Variants in PEAK1 observed in about 807,000 individuals in gnomAD.
PEAK1 encodes pseudopodium enriched atypical kinase 1, also known as inactive tyrosine-protein kinase PEAK1.
In PEAK1, 54 loss-of-function variants were observed where a neutral mutation model predicts 124.7. That is an observed-to-expected ratio of 0.43 (90% CI 0.35 to 0.54). The LOEUF (loss-of-function observed/expected upper bound fraction) is 0.54. Ranked by LOEUF, PEAK1 falls within the 20% of genes least tolerant of loss-of-function variation. The pLI, the probability that PEAK1 is intolerant of heterozygous loss-of-function variation, is 0.01. For missense variants in PEAK1, 2,046 were observed against 2,134.5 expected (o/e 0.96, Z 0.82); for synonymous variants, 719 against 760.0 (o/e 0.95, Z 0.89).
chr15:77,280,833 A>G (rs1207004544), intron 5 of PEAK1, among the ~76,000 whole-genome samples: 1 of 152,142 alleles, frequency 6.6e-6, no homozygotes. Flanking sequence ...CTTTGGAATA[A>G]TCAGGCTTCT....
At chr15:77,138,772 G>C (rs2053539406) in intron 8 of PEAK1, among the ~76,000 whole-genome samples, 1 of 150,668 alleles carries the variant, frequency 6.6e-6, no homozygotes, top group African/African-American at 2.4e-5. Context: ...TGACGTAGGA[G>C]AATCATTTGA....
intron 1 of PEAK1, chr15:77,404,397 G>A (rs1364524929): frequency 7.8e-5 from 69 of 889,914 alleles, no homozygotes; most frequent in Non-Finnish European, 9.1e-5. Flanking sequence ...AGTGAAATGT[G>A]CTTTAAGTGG....
rs1463128098 is a variant in PEAK1, at chr15:77,278,742, C to T, written c.-275+5141G>A. The T allele has an allele frequency of 3.9e-5, 19 of 486,428 alleles. 1 individual carries two copies. Among genetic ancestry groups the T allele is most frequent in the South Asian group, 2.0e-4 (13 of 64,666 alleles). The allele number at this position is 486,428 out of a possible 1,614,324, so 30.1% of individuals were successfully genotyped here. On this transcript the variant is annotated intron_variant, in intron 5 of 9. Transcript: ENST00000682557. Reference sequence around the variant, plus strand: ...GGTGCTGGAGATGCCAAGTGAAGCACGTGCATTTTTGATAACTGTGTACTT... The same window carrying T: ...GGTGCTGGAGATGCCAAGTGAAGCATGTGCATTTTTGATAACTGTGTACTT...
Position 77,108,420 on chromosome 15 carries a change from C to T in PEAK1, c.*5736G>A, listed in dbSNP as rs1054311563. On this transcript the variant is annotated 3_prime_UTR_variant, in exon 10 of 10. Coordinates refer to ENST00000682557, the MANE Select transcript of PEAK1 (RefSeq NM_001385026.1). The stretch of plus-strand genomic sequence containing the variant: ...GAATGAGGACTGTCATGATTCAAAT[C>T]ACCAAGTAGAATGAAATCTTGCTTC... 2.6e-5 allele frequency: 4 copies of T among 152,208 alleles called. No individual in the cohort carries two copies. 9.4% of individuals were successfully genotyped at this position (152,208 alleles called of 1,614,324 possible). A position where few individuals can be genotyped will look rare whatever the true frequency, so the allele number is the denominator to read the frequency against.
At chr15:77,122,901 T>C (rs573475279) in intron 9 of PEAK1, among the ~76,000 whole-genome samples, 1 of 152,224 alleles carries the variant, frequency 6.6e-6, no homozygotes, top group Non-Finnish European at 1.5e-5. Flanking sequence ...CTACCAATCA[T>C]AGTTGTTCCT....
In PEAK1 at chr15:77,158,518, T is replaced by C. The variant is rs932566778; in HGVS notation, c.3316A>G (p.Thr1106Ala). 2.5e-6 allele frequency: 4 copies of C among 1,614,098 alleles called. No homozygotes were observed. The South Asian group carries it at 3.3e-5, about 13-fold the overall frequency. ...TTGCACTTACCTAAGTTGCTGTATGTTGCACTACAAGGGTTCGGGTCCATA... is the reference window on the plus strand; with the variant it reads ...TTGCACTTACCTAAGTTGCTGTATGCTGCACTACAAGGGTTCGGGTCCATA... ...DPMDPNPCSA[T>A]YSNLGQSRAA... The change falls in exon 8 of 10, where the codon ACA (threonine) becomes GCA (alanine). Residue 1106 changes from threonine to alanine, a missense_variant. Thr to Ala is a moderately conservative substitution (Grantham distance 58). Coordinates refer to ENST00000682557, the MANE Select transcript of PEAK1 (RefSeq NM_001385026.1).
At chr15:77,376,802 CT>C (rs953807267) in intron 1 of PEAK1, among the ~76,000 whole-genome samples, 1 of 152,078 alleles carries the variant, frequency 6.6e-6, no homozygotes, top group Non-Finnish European at 1.5e-5. Flanking sequence ...TTTTTTAAGG[CT>C]TTTTTATGTA....
chr15:77,162,726 T>A (rs2055769378), intron 7 of PEAK1, among the ~76,000 whole-genome samples: 1 of 152,148 alleles, frequency 6.6e-6, no homozygotes, highest in South Asian at 2.1e-4. Context: ...TTCTGAATGC[T>A]TTGATTTTCT....
chr15:77,304,266 T>C (rs1229715833), intron 2 of PEAK1, among the ~76,000 whole-genome samples: 1 of 152,174 alleles, frequency 6.6e-6, no homozygotes, highest in Non-Finnish European at 1.5e-5. Flanking sequence ...TAGATCAAAT[T>C]GGAAAGAACT....
At chr15:77,262,919 C>T (rs1243890969) in intron 5 of PEAK1, among the ~76,000 whole-genome samples, 1 of 152,184 alleles carries the variant, frequency 6.6e-6, no homozygotes, top group Admixed American at 6.5e-5. Flanking sequence ...GGCCACAGTA[C>T]AATCAAACTA....
At chr15:77,183,824 A>C (rs916056793) in intron 6 of PEAK1, among the ~76,000 whole-genome samples, 5 of 152,122 alleles carry the variant, frequency 3.3e-5, no homozygotes, top group African/African-American at 1.2e-4. Context: ...CCAAATATAT[A>C]TGATTTTTGA....
intron 1 of PEAK1, chr15:77,403,644 G>T (rs2071559132): frequency 1.1e-6 from 1 of 884,802 alleles, no homozygotes; most frequent in South Asian, 5.2e-5. Context: ...ACATGAAGAT[G>T]AATAAAACAC....
intron 8 of PEAK1, among the ~76,000 whole-genome samples, chr15:77,150,523 T>G (rs977828726): frequency 6.6e-6 from 1 of 152,180 alleles, no homozygotes; most frequent in Non-Finnish European, 1.5e-5. Context: ...TATTTTATTT[T>G]TATTACACTT....
chr15:77,226,064 TATATATATATATATATATATATATTACA>T lies in PEAK1; in HGVS notation c.-115+26275_-115+26302del, dbSNP rs1567137671. 3.1e-4 allele frequency among the ~76,000 whole-genome samples: 42 copies of T among 133,772 alleles called. 1 individual carries two copies. Among genetic ancestry groups the T allele is most frequent in the Non-Finnish European group, 5.9e-4 (37 of 62,334 alleles). 87.8% of individuals were successfully genotyped at this position (133,772 alleles called of 152,430 possible). A position where few individuals can be genotyped will look rare whatever the true frequency, so the allele number is the denominator to read the frequency against. On this transcript the variant is annotated intron_variant, in intron 6 of 9. Transcript: ENST00000682557. ...AAAGGGATATATATATATATATATA[TATATATATATATATATATATATATTACA>T]CACACATACACACATATATATGTGT...
intron 2 of PEAK1, among the ~76,000 whole-genome samples, chr15:77,342,087 T>C (rs183923865): frequency 1.3e-5 from 2 of 151,276 alleles, no homozygotes; most frequent in East Asian, 3.9e-4. Context: ...AGCCCAGCAG[T>C]ATGCAGAACA....
At chr15:77,220,639 C>T (rs2059346172) in intron 6 of PEAK1, among the ~76,000 whole-genome samples, 1 of 149,068 alleles carries the variant, frequency 6.7e-6, no homozygotes, top group Non-Finnish European at 1.5e-5. Context: ...TAAAAGCAAA[C>T]AAAGTACATT....
At chr15:77,271,446 T>C (rs761719418) in intron 5 of PEAK1, among the ~76,000 whole-genome samples, 26 of 152,162 alleles carry the variant, frequency 1.7e-4, no homozygotes, top group Non-Finnish European at 2.9e-4. Context: ...ACCCAAAGGA[T>C]TATAAATCAT....
intron 6 of PEAK1, among the ~76,000 whole-genome samples, chr15:77,243,526 A>G (rs747094292): frequency 6.6e-6 from 1 of 152,258 alleles, no homozygotes; most frequent in African/African-American, 2.4e-5. Flanking sequence ...TAGGTGGCAC[A>G]GTTATTTTTA....
At chr15:77,242,023 A>G (rs1040725708) in intron 6 of PEAK1, among the ~76,000 whole-genome samples, 6 of 151,960 alleles carry the variant, frequency 3.9e-5, no homozygotes, top group Non-Finnish European at 7.4e-5. Context: ...ATAGCTATAC[A>G]CTCAATTTCT....
Sources: gnomAD v4.1 joint callset for allele counts (sites outside exome capture counted in the v4.1 genomes callset) on GRCh38, gnomAD v4.1.1 for gene constraint, MANE v1.5 for transcripts, NCBI Gene and HGNC (gene_info 2026-07-23, HGNC 2026-07-21) for gene names.